The following OSBP2 variants were observed in gnomAD, a reference collection of about 807,000 sequenced individuals.
The protein encoded by OSBP2 is oxysterol-binding protein 2.
A neutral mutation model predicts 96.0 loss-of-function variants in OSBP2; 66 were observed. That is an observed-to-expected ratio of 0.69 (90% CI 0.56 to 0.84). OSBP2 has a LOEUF of 0.84. OSBP2 is among the 40% of genes least tolerant of loss of function. The pLI is 0.00. For synonymous variants in OSBP2, 525 were observed against 520.9 expected (o/e 1.01, Z -0.11); for missense variants, 1,038 against 1,222.7 (o/e 0.85, Z 2.25).
intron 2 of OSBP2, among the ~76,000 whole-genome samples, chr22:30,760,578 G>A (rs1355831290): frequency 6.6e-6 from 1 of 152,128 alleles, no homozygotes; most frequent in Non-Finnish European, 1.5e-5. Flanking sequence ...CACTTTGGAA[G>A]GCCAATGCAG....
Position 30,863,166 on chromosome 22 carries a change from C to T in OSBP2, c.854-7263C>T, listed in dbSNP as rs915194071. Among the ~76,000 whole-genome samples, 9 of 152,212 alleles carry T rather than the reference C, an allele frequency of 5.9e-5. No individual in the cohort carries two copies. The East Asian group carries it at 7.7e-4, about 13-fold the overall frequency. ...GGCTGTTCGTTCTCAAACACGGTGA[C>T]GTTGCTTGATATCCCCCAGACTCCC... On this transcript the variant is annotated intron_variant, in intron 2 of 13. Transcript: ENST00000332585.
chr22:30,732,459 CA>C (rs2089795104), intron 1 of OSBP2, among the ~76,000 whole-genome samples: 1 of 151,818 alleles, frequency 6.6e-6, no homozygotes, highest in Non-Finnish European at 1.5e-5. Flanking sequence ...ACTCCCCTGG[CA>C]GTAGAGTCAC....
intron 2 of OSBP2, among the ~76,000 whole-genome samples, chr22:30,772,739 A>G (rs1602242048): frequency 6.6e-6 from 1 of 151,362 alleles, no homozygotes; most frequent in East Asian, 1.9e-4. Flanking sequence ...CATGAGCCCC[A>G]TGCCCTGTGA....
intron 2 of OSBP2, chr22:30,822,465 C>T (rs1407162809): frequency 9.1e-6 from 11 of 1,206,686 alleles, no homozygotes; most frequent in Non-Finnish European, 1.2e-5. Flanking sequence ...GCTCATGTAC[C>T]GGGTGGCGGG....
chr22:30,730,808 A>ATTTTATT (rs1491303061), intron 1 of OSBP2, among the ~76,000 whole-genome samples: 6 of 39,342 alleles, frequency 1.5e-4, no homozygotes, highest in African/African-American at 2.3e-4. Flanking sequence ...ATATATATAT[A>ATTTTATT]ATTTTTTTTT....
chr22:30,759,517 A>G (rs1024640512), intron 2 of OSBP2, among the ~76,000 whole-genome samples: 11 of 152,210 alleles, frequency 7.2e-5, no homozygotes. Flanking sequence ...ACTAACAAAC[A>G]TAAAAGGACA....
At chr22:30,747,406 A>T (rs1484470599) in intron 2 of OSBP2, among the ~76,000 whole-genome samples, 3 of 152,166 alleles carry the variant, frequency 2.0e-5, no homozygotes, top group Non-Finnish European at 2.9e-5. Context: ...GCTTGAGCCC[A>T]TAAGTTTGAG....
intron 1 of OSBP2, among the ~76,000 whole-genome samples, chr22:30,722,924 C>T (rs2089577335): frequency 6.6e-6 from 1 of 151,564 alleles, no homozygotes; most frequent in Non-Finnish European, 1.5e-5. Context: ...GCTGGGACTA[C>T]AGGCGTGTGC....
Position 30,881,669 on chromosome 22 carries a change from A to G in OSBP2, c.1108-5757A>G, listed in dbSNP as rs556708477. 4 of 1,303,986 alleles carry G rather than the reference A, an allele frequency of 3.1e-6. No individual in the cohort carries two copies. In the East Asian group the frequency reaches 2.2e-4, roughly 72 times the overall value. 80.8% of individuals were successfully genotyped at this position (1,303,986 alleles called of 1,614,324 possible). A position where few individuals can be genotyped will look rare whatever the true frequency, so the allele number is the denominator to read the frequency against. ...ATCCAGCTTATCAAGCACACAGCAC[A>G]CAGCCCAGCTCAGCATTCTGAGAAC... On this transcript the variant is annotated intron_variant, in intron 3 of 13. Coordinates refer to ENST00000332585, the MANE Select transcript of OSBP2 (RefSeq NM_030758.4). The surrounding 1 kb of genome is among the most constrained non-coding windows in gnomAD (Gnocchi z 4.5).
Position 30,721,838 on chromosome 22 carries a change from A to G in OSBP2, c.645-19323A>G, listed in dbSNP as rs368116075. ...ATTATCTCAAATTCATGGCATTTCAATCTTTCACTTGGCTTAGTAACTGGT... is the reference window on the plus strand; with the variant it reads ...ATTATCTCAAATTCATGGCATTTCAGTCTTTCACTTGGCTTAGTAACTGGT... On this transcript the variant is annotated intron_variant, in intron 1 of 13. Transcript: ENST00000332585. Among the ~76,000 whole-genome samples the G allele has an allele frequency of 2.2e-4, 33 of 152,308 alleles. 1 individual carries two copies. Among genetic ancestry groups the G allele is most frequent in the South Asian group, 1.0e-3 (5 of 4,826 alleles).
At position 30,695,298 on chromosome 22, in the gene OSBP2, C is replaced by T; in HGVS notation, c.389C>T (p.Ala130Val). The T allele has an allele frequency of 6.2e-7, 1 of 1,613,388 alleles. No homozygotes were observed. The highest frequency in any genetic ancestry group is 8.5e-7 in the Non-Finnish European group (1 of 1,180,006). The change falls in exon 1 of 14, where the codon GCG (alanine) becomes GTG (valine). Residue 130 changes from alanine (A) to valine (V), a missense_variant. Transcript: ENST00000332585. ...TKAASEPLSR[A>V]VGSATFLRPE... ...GCCGCATCGGAGCCGCTCTCCCGGGCGGTGGGGAGCGCGACCTTTCTCAGA... is the reference window on the plus strand; with the variant it reads ...GCCGCATCGGAGCCGCTCTCCCGGGTGGTGGGGAGCGCGACCTTTCTCAGA...
At chr22:30,894,022 C>A (rs1441596494) in intron 12 of OSBP2, 21 bp downstream of exon 12, 14 of 1,575,098 alleles carry the variant, frequency 8.9e-6, no homozygotes, top group Non-Finnish European at 1.2e-5. Context: ...CTGGCAGGGG[C>A]CCCGCCACAG....
At chr22:30,759,165 C>T (rs565455393) in intron 2 of OSBP2, among the ~76,000 whole-genome samples, 1,571 of 152,034 alleles carry the variant, frequency 0.01, 9 homozygotes, top group Middle Eastern at 0.017. Context: ...CTGGCCAACA[C>T]GGTGAAACCC....
At chr22:30,837,464 G>T (rs1388363790) in intron 2 of OSBP2, among the ~76,000 whole-genome samples, 3 of 152,172 alleles carry the variant, frequency 2.0e-5, no homozygotes, top group African/African-American at 7.2e-5. Flanking sequence ...GCAGTGCTGT[G>T]CACTGGTTTA....
chr22:30,839,070 T>C (rs1440787820), intron 2 of OSBP2, among the ~76,000 whole-genome samples: 5 of 140,324 alleles, frequency 3.6e-5, no homozygotes, highest in Non-Finnish European at 7.6e-5. Flanking sequence ...CATTGTTCAA[T>C]TCCCATCTAT....
At chr22:30,904,055 C>T (rs921867972) in intron 12 of OSBP2, among the ~76,000 whole-genome samples, 7 of 152,184 alleles carry the variant, frequency 4.6e-5, no homozygotes, top group Non-Finnish European at 7.3e-5. Flanking sequence ...CTTGAACGCC[C>T]GCGTGTGAAC....
chr22:30,700,918 C>T (rs948744792), intron 1 of OSBP2, among the ~76,000 whole-genome samples: 8 of 151,016 alleles, frequency 5.3e-5, no homozygotes, highest in Non-Finnish European at 8.8e-5. Context: ...AAACCCACCC[C>T]GTCTTTACTA....
upstream of OSBP2, chr22:30,694,815 T>G (rs1207631102): frequency 5.3e-6 from 3 of 571,406 alleles, no homozygotes; most frequent in Admixed American, 1.3e-4. Context: ...CGCCCCCGCC[T>G]CGCGCCGCGC....
At chr22:30,780,530 C>T (rs1379706877) in intron 2 of OSBP2, among the ~76,000 whole-genome samples, 1 of 152,236 alleles carries the variant, frequency 6.6e-6, no homozygotes, top group Non-Finnish European at 1.5e-5. Context: ...TGGAGTCTCA[C>T]TCTGTTGCTG....
Sources: allele counts gnomAD v4.1 joint callset (sites outside exome capture counted in the v4.1 genomes callset), GRCh38; gene constraint gnomAD v4.1.1; non-coding constraint Gnocchi (gnomAD v3.1); transcripts MANE v1.5; gene names NCBI Gene and HGNC (gene_info 2026-07-23, HGNC 2026-07-21).